Variants in ELFN2 observed in about 807,000 individuals in gnomAD.
The protein encoded by ELFN2 is extracellular leucine rich repeat and fibronectin type III domain containing 2, also known as protein phosphatase 1 regulatory subunit 29.
ELFN2 carries 17 observed loss-of-function variants against 45.5 expected under a neutral mutation model. The observed-to-expected ratio is 0.37, with a 90% CI of 0.26 to 0.56. The LOEUF (loss-of-function observed/expected upper bound fraction) is 0.56, where lower values mean the gene tolerates loss of function less well. Among genes scored for constraint, ELFN2 ranks in the 20% least tolerant of loss-of-function variants. ELFN2 has a pLI of 0.77. For synonymous variants in ELFN2, 550 were observed against 551.5 expected (o/e 1.00, Z 0.04); for missense variants, 922 against 1,183.2 (o/e 0.78, Z 3.24).
intron 2 of ELFN2, among the ~76,000 whole-genome samples, chr22:37,396,555 C>T (rs1601759948): frequency 6.6e-6 from 1 of 152,152 alleles, no homozygotes; most frequent in Admixed American, 6.5e-5. Flanking sequence ...TTAGCACTAC[C>T]CAGGCCCCTG....
At chr22:37,425,349 G>A (rs1932839904) in intron 1 of ELFN2, among the ~76,000 whole-genome samples, 1 of 152,168 alleles carries the variant, frequency 6.6e-6, no homozygotes, top group Admixed American at 6.5e-5. Flanking sequence ...ACTCTTCAGG[G>A]GGCAGGACTT....
intron 2 of ELFN2, among the ~76,000 whole-genome samples, chr22:37,397,297 G>A (rs1447419682): frequency 6.6e-6 from 1 of 152,212 alleles, no homozygotes; most frequent in African/African-American, 2.4e-5. Flanking sequence ...CATGGAGAAG[G>A]CACCCAGGGA....
chr22:37,397,935 G>A (rs896468628), intron 2 of ELFN2, among the ~76,000 whole-genome samples: 10 of 152,144 alleles, frequency 6.6e-5, no homozygotes, highest in African/African-American at 2.2e-4. Context: ...GGCAGCCCGC[G>A]CAGCTTCTCT....
At chr22:37,408,571 C>A (rs571836789) in intron 2 of ELFN2, among the ~76,000 whole-genome samples, 1 of 152,230 alleles carries the variant, frequency 6.6e-6, no homozygotes, top group Non-Finnish European at 1.5e-5. Flanking sequence ...CAAACTGCCA[C>A]CCCTACCATA....
chr22:37,388,581 C>T (rs1467267300), intron 2 of ELFN2, among the ~76,000 whole-genome samples: 1 of 152,230 alleles, frequency 6.6e-6, no homozygotes. Flanking sequence ...CTCCAGTGCT[C>T]TTCTGGGCTC....
chr22:37,423,514 C>T (rs988292191), intron 1 of ELFN2, among the ~76,000 whole-genome samples: 1 of 152,140 alleles, frequency 6.6e-6, no homozygotes, highest in Non-Finnish European at 1.5e-5. Flanking sequence ...CGCTGTGTGG[C>T]CCTGGACTGG....
chr22:37,345,436 C>T lies in ELFN2; in HGVS notation n.149-2733G>A, dbSNP rs1930673675. On this transcript the variant is annotated intron_variant and non_coding_transcript_variant, in intron 1 of 2. Coordinates refer to ENST00000452946, the Ensembl canonical transcript of ELFN2. Reference sequence around the variant, plus strand: ...TGCATAACATGCATTAATAACAACCCCTGCCAGGGAGTCAAACGCCCTGGC... The same window carrying T: ...TGCATAACATGCATTAATAACAACCTCTGCCAGGGAGTCAAACGCCCTGGC... Among the ~76,000 whole-genome samples the T allele has an allele frequency of 2.0e-5, 3 of 152,212 alleles. 1 individual carries two copies. Among genetic ancestry groups the T allele is most frequent in the South Asian group, 4.1e-4 (2 of 4,836 alleles).
chr22:37,424,483 T>G (rs1249949952), intron 1 of ELFN2, among the ~76,000 whole-genome samples: 1 of 152,072 alleles, frequency 6.6e-6, no homozygotes, highest in Non-Finnish European at 1.5e-5. Flanking sequence ...CTGGAGCTTG[T>G]GGGTGGAAGA....
Position 37,422,860 on chromosome 22 carries a change from G to A in ELFN2, c.-614+4438C>T, listed in dbSNP as rs147471026. ...TCCTTCTGCCTCGGCCTCCCAAAGT[G>A]CTAGGATTACAGGTGTGAGCCACCA... On this transcript the variant is annotated intron_variant, in intron 1 of 2. Coordinates refer to ENST00000402918, the MANE Select transcript of ELFN2 (RefSeq NM_052906.5). Among the ~76,000 whole-genome samples, 63 of 147,776 alleles carry A rather than the reference G, an allele frequency of 4.3e-4. 1 individual carries two copies. The highest frequency in any genetic ancestry group is 3.4e-3 in the Middle Eastern group (1 of 290).
In ELFN2 at chr22:37,374,838, G is replaced by A. The variant is rs921124407; in HGVS notation, c.697C>T (p.His233Tyr). 6.2e-7 allele frequency: 1 copy of A among 1,607,412 alleles called. No homozygotes were observed. The highest frequency in any genetic ancestry group is 1.1e-5 in the South Asian group (1 of 91,056). The change falls in exon 3 of 3, where the codon CAC becomes TAC. Residue 233 changes from histidine (H) to tyrosine (Y), a missense_variant. His to Tyr is a moderately conservative substitution (Grantham distance 83). This residue lies in a region of ELFN2 where 358 missense variants were observed against 540.4 expected (regional missense o/e 0.66). Coordinates refer to ENST00000402918, the MANE Select transcript of ELFN2 (RefSeq NM_052906.5). ...AGTACGGTGATGGCGTTGAGGCTGT[G>A]GTAGGGCCGGGGCACCAGCAGCGGG... ...GYPLLVPRPY[H>Y]SLNAITVLQA...
chr22:37,386,502 G>A (rs1931949800), intron 2 of ELFN2, among the ~76,000 whole-genome samples: 1 of 152,188 alleles, frequency 6.6e-6, no homozygotes, highest in African/African-American at 2.4e-5. Flanking sequence ...GCGATCGCAA[G>A]GGGTCAGTAT....
chr22:37,415,835 G>A (rs1180934948), intron 2 of ELFN2, among the ~76,000 whole-genome samples: 2 of 152,156 alleles, frequency 1.3e-5, no homozygotes, highest in African/African-American at 2.4e-5. Flanking sequence ...GGTGGCACGC[G>A]CCTATAGTCC....
At chr22:37,356,835 T>A (rs959033014) in intron 1 of ELFN2, among the ~76,000 whole-genome samples, 1 of 152,230 alleles carries the variant, frequency 6.6e-6, no homozygotes, top group African/African-American at 2.4e-5. Flanking sequence ...ACACTGTCTC[T>A]AACAATATCA....
At chr22:37,365,006 G>A (rs886488308), downstream of ELFN2, among the ~76,000 whole-genome samples, 5 of 152,222 alleles carry the variant, frequency 3.3e-5, no homozygotes, top group Non-Finnish European at 7.3e-5. Context: ...CACCAGAGGA[G>A]CAGGTGGGGC....
chr22:37,374,119 G>A lies in ELFN2; in HGVS notation c.1416C>T (p.Ser472=). The A allele has an allele frequency of 6.2e-7, 1 of 1,613,126 alleles. No homozygotes were observed. The highest frequency in any genetic ancestry group is 8.5e-7 in the Non-Finnish European group (1 of 1,180,034). The part of the protein sequence containing the change: ...PPVLPVSRMA[S]IPSMIGEKLP... ...GCTTCTCCCCGATCATGGAGGGGAT[G>A]GAGGCCATGCGAGATACGGGCAGCA... Residue 472 remains serine (S), a synonymous_variant, in exon 3 of 3, where the codon TCC becomes TCT. Coordinates refer to ENST00000402918, the MANE Select transcript of ELFN2 (RefSeq NM_052906.5).
At chr22:37,389,239 T>G (rs1422649361) in intron 2 of ELFN2, among the ~76,000 whole-genome samples, 2 of 151,800 alleles carry the variant, frequency 1.3e-5, no homozygotes, top group East Asian at 3.9e-4. Context: ...TGTTCCTGAC[T>G]CTCCCTCAAC....
intron 1 of ELFN2, among the ~76,000 whole-genome samples, chr22:37,423,130 G>C (rs1932822627): frequency 6.6e-6 from 1 of 152,132 alleles, no homozygotes; most frequent in Non-Finnish European, 1.5e-5. Flanking sequence ...CCTCCCCACT[G>C]TCACCCGGGG....
chr22:37,349,796 C>T (rs962538184), intron 1 of ELFN2, among the ~76,000 whole-genome samples: 2 of 151,214 alleles, frequency 1.3e-5, no homozygotes, highest in Non-Finnish European at 3.0e-5. Context: ...GAAGTTAAGG[C>T]TCAGCTTTTG....
At chr22:37,409,384 C>T (rs976017462) in intron 2 of ELFN2, among the ~76,000 whole-genome samples, 2 of 152,154 alleles carry the variant, frequency 1.3e-5, no homozygotes, top group East Asian at 1.9e-4. Context: ...CGTGGTCTCC[C>T]GGCACCACCT....
Sources: gnomAD v4.1 joint callset for allele counts (sites outside exome capture counted in the v4.1 genomes callset) on GRCh38, gnomAD v4.1.1 for gene constraint, gnomAD v4.1.1 regional missense constraint, MANE v1.5 for transcripts, NCBI Gene and HGNC (gene_info 2026-07-23, HGNC 2026-07-21) for gene names.